The following SH3GLB2 variants were observed in gnomAD, a reference collection of about 807,000 sequenced individuals.
SH3GLB2 encodes SH3 domain containing GRB2 like, endophilin B2.
Under a neutral mutation model 48.0 loss-of-function variants are expected in SH3GLB2, and 24 were observed. The ratio of observed to expected loss-of-function variants is 0.50; its 90% CI spans 0.36 to 0.70. SH3GLB2 has a LOEUF of 0.70. Among genes scored for constraint, SH3GLB2 ranks in the 30% least tolerant of loss-of-function variants. SH3GLB2 has a pLI of 0.00. For missense variants in SH3GLB2, 425 were observed against 516.0 expected, an observed-to-expected ratio of 0.82 and a Z score of 1.71; for synonymous variants, 227 against 207.6, an observed-to-expected ratio of 1.09 and a Z score of -0.80.
intron 2 of SH3GLB2, among the ~76,000 whole-genome samples, chr9:129,021,738 C>A (rs1564584723): frequency 1.3e-5 from 2 of 151,748 alleles, no homozygotes; most frequent in Admixed American, 1.3e-4. Flanking sequence ...GCGGGTGGAT[C>A]ATTTGAGGTC....
chr9:129,009,179 C>T lies in SH3GLB2; in HGVS notation c.1007G>A (p.Gly336Glu), dbSNP rs1413404246. The T allele has an allele frequency of 6.2e-7, 1 of 1,611,938 alleles. No homozygotes were observed. Among genetic ancestry groups the T allele is most frequent in the Non-Finnish European group, 8.5e-7 (1 of 1,179,576 alleles). Residue 336 changes from glycine to glutamate, a missense_variant, in exon 10 of 11, where the codon GGG (glycine) becomes GAG (glutamate). Coordinates refer to ENST00000372564, the MANE Select transcript of SH3GLB2 (RefSeq NM_020145.4). ...CLEEVAPPAS[G>E]TRKARVLYDY... ...ATAGAGCACCCGAGCTTTGCGGGTC[C>T]CACTGGCAGGGGGGGCCACCTCTTC...
rs779978266 is a variant in SH3GLB2, at chr9:129,009,182, C to T, written c.1004G>A (p.Ser335Asn). ...GAGCACCCGAGCTTTGCGGGTCCCA[C>T]TGGCAGGGGGGGCCACCTCTTCCAG... ...LCLEEVAPPA[S>N]GTRKARVLYD... Residue 335 changes from serine to asparagine, a missense_variant, in exon 10 of 11, where the codon AGT becomes AAT. Coordinates refer to ENST00000372564, the MANE Select transcript of SH3GLB2 (RefSeq NM_020145.4). 4.3e-6 allele frequency: 7 copies of T among 1,611,756 alleles called. No homozygotes were observed. The African/African-American group carries it at 8.0e-5, about 18-fold the overall frequency.
intron 1 of SH3GLB2, among the ~76,000 whole-genome samples, chr9:129,024,081 A>C (rs911605453): frequency 3.9e-5 from 6 of 152,134 alleles, no homozygotes; most frequent in Admixed American, 3.9e-4. Context: ...GCCAGCACAC[A>C]GTATGGGGCT....
rs1430758589 is a variant in SH3GLB2 at position 129,011,610 on chromosome 9, A to C, written c.624+626T>G. Reference sequence around the variant, plus strand: ...CCCCAAACTACATAGGAAACACCAGACTTCCCAAGAAAGCCTAAAAACCAA... The same window carrying C: ...CCCCAAACTACATAGGAAACACCAGCCTTCCCAAGAAAGCCTAAAAACCAA... On this transcript the variant is annotated intron_variant, in intron 6 of 10. Transcript: ENST00000372564. The surrounding 1 kb of genome is among the most constrained non-coding windows in gnomAD (Gnocchi z 4.5). 1 of 152,494 alleles carries C rather than the reference A, an allele frequency of 6.6e-6. No homozygotes were observed. Among genetic ancestry groups the C allele is most frequent in the Non-Finnish European group, 1.5e-5 (1 of 68,280 alleles). The allele number at this position is 152,494 out of a possible 1,614,324, so 9.4% of individuals were successfully genotyped here. A position where few individuals can be genotyped will look rare whatever the true frequency, so the allele number is the denominator to read the frequency against.
At chr9:129,009,521 C>G (rs1842977504) in intron 9 of SH3GLB2, 175 bp from the exon 10 acceptor site, 1 of 1,548,230 alleles carries the variant, frequency 6.5e-7, no homozygotes, top group Non-Finnish European at 8.7e-7. Flanking sequence ...GGCCCCACCC[C>G]CTGGTCCCTG....
At chr9:129,012,589 G>A (rs905174415) in intron 5 of SH3GLB2, 2 of 422,498 alleles carry the variant, frequency 4.7e-6, no homozygotes, top group African/African-American at 2.0e-5. Context: ...GTCACAGGCT[G>A]GGCTCTCCCC....
rs750067794 is a variant in SH3GLB2, at chr9:129,021,174, A to C, written c.251T>G (p.Val84Gly). The C allele has an allele frequency of 6.2e-7, 1 of 1,611,790 alleles. No individual in the cohort carries two copies. The highest frequency in any genetic ancestry group is 1.7e-5 in the Admixed American group (1 of 59,896). The change falls in exon 3 of 11, where the codon GTC (valine) becomes GGC (glycine). Residue 84 changes from valine (V) to glycine (G), a missense_variant. Coordinates refer to ENST00000372564, the MANE Select transcript of SH3GLB2 (RefSeq NM_020145.4). Reference sequence around the variant, plus strand: ...CTCCCCGTTGGTGACCCTTGAGGGGACCTTCCTGTCCAGCTTCTCATACAG... The same window carrying C: ...CTCCCCGTTGGTGACCCTTGAGGGGCCCTTCCTGTCCAGCTTCTCATACAG... Reference protein sequence around the residue: ...EFLYEKLDRKVPSRVTNGELL... With the variant: ...EFLYEKLDRKGPSRVTNGELL...
In SH3GLB2 at chr9:129,012,274, T is replaced by C; in HGVS notation, c.586A>G (p.Arg196Gly). ...GCCGAGAGAATGTAATTACGAGGTC[T>C]AGTCTCCTGAAAGTCAGGCACCGTC... is the stretch of plus-strand genomic sequence containing the variant. Reference protein sequence around the residue: ...ATTVPDFQETRPRNYILSASA... With the variant: ...ATTVPDFQETGPRNYILSASA... The change falls in exon 6 of 11, where the codon AGA (arginine) becomes GGA (glycine). Residue 196 changes from arginine to glycine, a missense_variant. Arg to Gly is a moderately radical substitution (Grantham distance 125). Transcript: ENST00000372564. 7.7e-7 allele frequency: 1 copy of C among 1,304,468 alleles called. No homozygotes were observed. The highest frequency in any genetic ancestry group is 3.1e-5 in the South Asian group (1 of 32,530). The allele number at this position is 1,304,468 out of a possible 1,614,324, so 80.8% of individuals were successfully genotyped here.
chr9:129,019,214 C>A (rs1439495455), intron 3 of SH3GLB2, among the ~76,000 whole-genome samples: 2 of 151,624 alleles, frequency 1.3e-5, no homozygotes, highest in Non-Finnish European at 2.9e-5. Flanking sequence ...AGCGAGATCC[C>A]CATCTCTACA....
intron 9 of SH3GLB2, 156 bp from the exon 10 acceptor site, chr9:129,009,502 G>A: frequency 6.5e-7 from 1 of 1,548,520 alleles, no homozygotes; most frequent in Non-Finnish European, 8.7e-7. Flanking sequence ...AGCAAGGGAA[G>A]GGTGAGATGG....
chr9:129,009,186 CA>C lies in SH3GLB2; in HGVS notation c.999del (p.Ala334ProfsTer110), dbSNP rs756384962. The stretch of plus-strand genomic sequence containing the variant: ...ACCCGAGCTTTGCGGGTCCCACTGG[CA>C]GGGGGGGCCACCTCTTCCAGGCAGA... Reference protein sequence around the residue: ...ASLCLEEVAPPASGTRKARVL... With the variant: ...ASLCLEEVAPXASGTRKARVL... On this transcript the variant is annotated frameshift_variant, in exon 10 of 11. Coordinates refer to ENST00000372564, the MANE Select transcript of SH3GLB2 (RefSeq NM_020145.4). LOFTEE classifies it high-confidence loss of function. 7 of 1,611,146 alleles carry C rather than the reference CA, an allele frequency of 4.3e-6. No homozygotes were observed. Among genetic ancestry groups the C allele is most frequent in the Middle Eastern group, 1.7e-4 (1 of 6,054 alleles).
intron 1 of SH3GLB2, among the ~76,000 whole-genome samples, chr9:129,023,282 G>C (rs1305771261): frequency 6.6e-6 from 1 of 152,172 alleles, no homozygotes; most frequent in Non-Finnish European, 1.5e-5. Context: ...CCAGGGCCCG[G>C]ATGTCGCATG....
At chr9:129,009,631 C>T (rs1842986356) in intron 9 of SH3GLB2, 140 bp downstream of exon 9, 2 of 1,380,968 alleles carry the variant, frequency 1.4e-6, no homozygotes, top group Non-Finnish European at 2.0e-6. Flanking sequence ...ACATGAGATG[C>T]CCGCACCCAG....
At chr9:129,019,559 A>G (rs1843650340) in intron 3 of SH3GLB2, among the ~76,000 whole-genome samples, 1 of 151,306 alleles carries the variant, frequency 6.6e-6, no homozygotes, top group Non-Finnish European at 1.5e-5. Context: ...TACAAAAATT[A>G]GCTGGGAGTG....
intron 1 of SH3GLB2, among the ~76,000 whole-genome samples, chr9:129,025,263 CAAAA>C (rs530346854): frequency 3.0e-4 from 10 of 33,482 alleles, no homozygotes; most frequent in Admixed American, 6.4e-4. Context: ...GACTCCGTCT[CAAAA>C]AAAAAAAAAA....
At chr9:129,009,713 A>G in intron 9 of SH3GLB2, 58 bp downstream of exon 9, 1 of 1,510,336 alleles carries the variant, frequency 6.6e-7, no homozygotes, top group Non-Finnish European at 9.0e-7. Flanking sequence ...CATGCTGCCC[A>G]CGGACAGGGT....
At chr9:129,018,646 C>A (rs1009927633) in intron 3 of SH3GLB2, among the ~76,000 whole-genome samples, 1 of 150,246 alleles carries the variant, frequency 6.7e-6, no homozygotes, top group African/African-American at 2.5e-5. Context: ...GTAATCCCAG[C>A]ACTTTGGGAG....
rs17433038 is a variant in SH3GLB2, at chr9:129,008,085, G to A, written c.*599C>T. The stretch of plus-strand genomic sequence containing the variant: ...GGCTAGAGAGCAAACGCAGGCAGAA[G>A]TAAAAACACCAGATAAAAAGTGAGT... On this transcript the variant is annotated 3_prime_UTR_variant, in exon 11 of 11. Coordinates refer to ENST00000372564, the MANE Select transcript of SH3GLB2 (RefSeq NM_020145.4). 2.6e-5 allele frequency: 4 copies of A among 153,688 alleles called. No individual in the cohort carries two copies. The highest frequency in any genetic ancestry group is 5.8e-5 in the Non-Finnish European group (4 of 69,054). The allele number at this position is 153,688 out of a possible 1,614,324, so 9.5% of individuals were successfully genotyped here. A position where few individuals can be genotyped will look rare whatever the true frequency, so the allele number is the denominator to read the frequency against.
chr9:129,014,506 A>T lies in SH3GLB2; in HGVS notation c.469-3T>A, dbSNP rs757386686. The T allele has an allele frequency of 6.4e-7, 1 of 1,551,082 alleles. No homozygotes were observed. On this transcript the variant is annotated splice_region_variant and splice_polypyrimidine_tract_variant and intron_variant, in intron 4 of 10. Coordinates refer to ENST00000372564, the MANE Select transcript of SH3GLB2 (RefSeq NM_020145.4). This position sits in a 1 kb window ranked among gnomAD's most constrained non-coding sequence, Gnocchi z 4.1. ...TTTTGGAGGAGCCGCCTCTCCTTCT[A>T]CAGGGCAGGGCATGGGGACAGTGAG...
Sources: allele counts gnomAD v4.1 joint callset (sites outside exome capture counted in the v4.1 genomes callset), GRCh38; gene constraint gnomAD v4.1.1; non-coding constraint Gnocchi (gnomAD v3.1); transcripts MANE v1.5; gene names NCBI Gene and HGNC (gene_info 2026-07-23, HGNC 2026-07-21).